The following CDH19 variants were observed in gnomAD, a reference collection of about 807,000 sequenced individuals.
CDH19 encodes the protein cadherin 19, also known as cadherin-19.
A neutral mutation model predicts 64.2 loss-of-function variants in CDH19; 67 were observed. The observed-to-expected ratio is 1.04, with a 90% CI of 0.86 to 1.28. The LOEUF is 1.28. Ranked by LOEUF, CDH19 falls within the 50% of genes most tolerant of loss-of-function variation. The pLI is 0.00. For missense variants in CDH19, 1,030 were observed against 929.0 expected (o/e 1.11, Z -1.41); for synonymous variants, 346 against 319.3 (o/e 1.08, Z -0.89).
chr18:66,602,293 CA>C (rs1228209257), intron 1 of CDH19, among the ~76,000 whole-genome samples: 2 of 151,716 alleles, frequency 1.3e-5, no homozygotes, highest in African/African-American at 4.8e-5. Flanking sequence ...TCATGAGTGG[CA>C]AAAATGATCA....
chr18:66,602,261 T>C (rs1278477952), intron 1 of CDH19, among the ~76,000 whole-genome samples: 9 of 151,966 alleles, frequency 5.9e-5, no homozygotes, highest in Admixed American at 5.9e-4. Context: ...ACATAACATA[T>C]ATTTAAGAGT....
chr18:66,591,003 T>A (rs922320969), intron 1 of CDH19, among the ~76,000 whole-genome samples: 1 of 151,914 alleles, frequency 6.6e-6, no homozygotes, highest in African/African-American at 2.4e-5. Flanking sequence ...AGTTCTCATT[T>A]TGTAACATTA....
chr18:66,576,577 C>T (rs1568206488), intron 1 of CDH19, among the ~76,000 whole-genome samples: 2 of 151,300 alleles, frequency 1.3e-5, no homozygotes, highest in African/African-American at 2.4e-5. Flanking sequence ...TAACAGGGCA[C>T]AACTTTTCTA....
intron 9 of CDH19, among the ~76,000 whole-genome samples, chr18:66,529,184 A>G (rs921810176): frequency 3.0e-4 from 46 of 151,918 alleles, no homozygotes; most frequent in African/African-American, 1.1e-3. Context: ...AAGTGTTTAC[A>G]TATCTAATAA....
At chr18:66,559,042 C>T (rs998531866) in intron 3 of CDH19, among the ~76,000 whole-genome samples, 1 of 151,922 alleles carries the variant, frequency 6.6e-6, no homozygotes, top group African/African-American at 2.4e-5. Context: ...GGCTCCCATC[C>T]CCGGTCATCC....
intron 9 of CDH19, among the ~76,000 whole-genome samples, chr18:66,528,712 T>C (rs374254899): frequency 5.9e-5 from 9 of 152,138 alleles, no homozygotes; most frequent in East Asian, 5.8e-4. Flanking sequence ...AGTTAAGATG[T>C]ACCTATTTCT....
rs112073074 is a variant in CDH19, at chr18:66,544,443, T to A, written c.961-219A>T. Among the ~76,000 whole-genome samples, 152 of 152,268 alleles carry A rather than the reference T, an allele frequency of 1.0e-3. 1 individual carries two copies. Among genetic ancestry groups the A allele is most frequent in the African/African-American group, 3.6e-3 (148 of 41,564 alleles). ...TAATTTGGAGATAAAGTTATACTTT[T>A]GAAAGCATAAACATCTAATGAAACT... is the stretch of plus-strand genomic sequence containing the variant. On this transcript the variant is annotated intron_variant, in intron 6 of 11. Coordinates refer to ENST00000262150, the MANE Select transcript of CDH19 (RefSeq NM_021153.4).
At chr18:66,536,876 G>A (rs1986695045) in intron 7 of CDH19, among the ~76,000 whole-genome samples, 1 of 151,638 alleles carries the variant, frequency 6.6e-6, no homozygotes, top group African/African-American at 2.4e-5. Flanking sequence ...AAACTAGGGA[G>A]ACAAACATCA....
At chr18:66,534,906 C>T in intron 8 of CDH19, 80 bp downstream of exon 8, 4 of 912,578 alleles carry the variant, frequency 4.4e-6, no homozygotes, top group South Asian at 3.3e-5. Context: ...TTTAAAGTAG[C>T]CTTGTCCCCA....
Position 66,544,190 on chromosome 18 carries a change from A to G in CDH19, c.995T>C (p.Ile332Thr), listed in dbSNP as rs1258769898. 2 of 1,613,734 alleles carry G rather than the reference A, an allele frequency of 1.2e-6. No individual in the cohort carries two copies. Among genetic ancestry groups the G allele is most frequent in the Middle Eastern group, 1.6e-4 (1 of 6,082 alleles). The change falls in exon 7 of 12, where the codon ATT (isoleucine) becomes ACT (threonine). Residue 332 changes from isoleucine (I) to threonine (T), a missense_variant. Ile to Thr is a moderately conservative substitution (Grantham distance 89). Coordinates refer to ENST00000262150, the MANE Select transcript of CDH19 (RefSeq NM_021153.4). ...ATGATGGTTTTTAACTTTTGCTCTA[A>G]TACCGTAGTGGTTCTGGTGCTCAAA... ...VDFEHQNHYG[I>T]RAKVKNHHVP...
intron 3 of CDH19, among the ~76,000 whole-genome samples, chr18:66,567,903 A>G (rs1226364262): frequency 1.3e-5 from 2 of 151,826 alleles, no homozygotes; most frequent in Admixed American, 6.6e-5. Context: ...ATTAACAACA[A>G]CAACACTGGG....
rs1265048947 is a variant in CDH19, at chr18:66,586,683, T to TA, written c.-112-14368dup. Reference sequence around the variant, plus strand: ...TTACACTATGTGGTGAAGTCTATTTTAAAAAATGATACTAACATTGTCTCA... The same window carrying TA: ...TTACACTATGTGGTGAAGTCTATTTTAAAAAAATGATACTAACATTGTCTCA... On this transcript the variant is annotated intron_variant, in intron 1 of 11. Transcript: ENST00000262150. Among the ~76,000 whole-genome samples the TA allele has an allele frequency of 2.8e-4, 43 of 152,164 alleles. No individual in the cohort carries two copies. In the South Asian group the frequency reaches 4.8e-3, roughly 17 times the overall value.
intron 3 of CDH19, among the ~76,000 whole-genome samples, chr18:66,564,865 C>CT (rs34986036): frequency 0.12 from 17,910 of 144,506 alleles, 1,338 homozygotes; most frequent in Non-Finnish European, 0.17. Flanking sequence ...AATGCCCCTT[C>CT]TTTTTTTTTT....
intron 3 of CDH19, among the ~76,000 whole-genome samples, chr18:66,554,813 G>T (rs1456108863): frequency 6.6e-6 from 1 of 151,668 alleles, no homozygotes; most frequent in Non-Finnish European, 1.5e-5. Context: ...ACAATTCATT[G>T]TAATGTATAA....
intron 9 of CDH19, among the ~76,000 whole-genome samples, chr18:66,521,145 C>T (rs1985964604): frequency 6.6e-6 from 1 of 152,004 alleles, no homozygotes; most frequent in Non-Finnish European, 1.5e-5. Context: ...ATGTTCACTT[C>T]CTATTAATAT....
chr18:66,509,182 G>A lies in CDH19; in HGVS notation c.1641C>T (p.Tyr547=). 6.2e-7 allele frequency: 1 copy of A among 1,612,354 alleles called. No homozygotes were observed. The highest frequency in any genetic ancestry group is 8.5e-7 in the Non-Finnish European group (1 of 1,178,772). Residue 547 remains tyrosine, a synonymous_variant, in exon 11 of 12, where the codon TAC becomes TAT. Transcript: ENST00000262150. The part of the protein sequence containing the change: ...GFNLQEEPVF[Y]ISILIADNGI... ...CATTGTCGGCAATTAAGATGGAGAT[G>A]TAGAAGACAGGTTCTTCTTGAAGGT...
At chr18:66,590,859 T>C (rs2144626702) in intron 1 of CDH19, among the ~76,000 whole-genome samples, 1 of 152,128 alleles carries the variant, frequency 6.6e-6, no homozygotes, top group East Asian at 1.9e-4. Context: ...CCTTGTAAGA[T>C]GAAGGAGCAT....
At chr18:66,588,518 C>G (rs987785079) in intron 1 of CDH19, among the ~76,000 whole-genome samples, 1 of 150,810 alleles carries the variant, frequency 6.6e-6, no homozygotes, top group Non-Finnish European at 1.5e-5. Flanking sequence ...ACATTCATTT[C>G]TTGATTTAAC....
intron 9 of CDH19, among the ~76,000 whole-genome samples, chr18:66,515,967 T>G (rs565548944): frequency 1.8e-4 from 28 of 151,820 alleles, no homozygotes; most frequent in Non-Finnish European, 3.4e-4. Flanking sequence ...CAAGCAGAAT[T>G]GCAAACTTAA....
Sources: gnomAD v4.1 joint callset for allele counts (sites outside exome capture counted in the v4.1 genomes callset) on GRCh38, gnomAD v4.1.1 for gene constraint, MANE v1.5 for transcripts, NCBI Gene and HGNC (gene_info 2026-07-23, HGNC 2026-07-21) for gene names.